DSCAM: variants seen among roughly 807,000 people sequenced by gnomAD.
DSCAM encodes the protein cell adhesion molecule DSCAM.
In DSCAM, 47 loss-of-function variants were observed where a neutral mutation model predicts 217.7. The ratio of observed to expected loss-of-function variants is 0.22; its 90% confidence interval spans 0.17 to 0.28. The LOEUF (loss-of-function observed/expected upper bound fraction) is 0.28. Ranked by LOEUF, DSCAM falls within the 10% of genes least tolerant of loss-of-function variation. The probability of loss-of-function intolerance (pLI) is 1.00; values close to 1 mark genes in which losing one functional copy is unlikely to be tolerated. For synonymous variants in DSCAM, 1,056 were observed against 1,015.3 expected, an observed-to-expected ratio of 1.04 and a Z score of -0.76; for missense variants, 2,080 against 2,618.3, an observed-to-expected ratio of 0.79 and a Z score of 4.49.
chr21:40,081,499 C>G (rs2089457053), intron 24 of DSCAM, among the ~76,000 whole-genome samples: 1 of 152,060 alleles, frequency 6.6e-6, no homozygotes, highest in Admixed American at 6.5e-5. Context: ...GCCATAGGGT[C>G]CCTCCTCCTT....
chr21:40,823,930 A>G (rs1407118952), intron 1 of DSCAM, among the ~76,000 whole-genome samples: 1 of 152,140 alleles, frequency 6.6e-6, no homozygotes, highest in Non-Finnish European at 1.5e-5. Context: ...CATAGTTTGC[A>G]GAAACGCAAA....
At chr21:40,199,356 C>T (rs1412115362) in intron 11 of DSCAM, among the ~76,000 whole-genome samples, 1 of 152,140 alleles carries the variant, frequency 6.6e-6, no homozygotes, top group East Asian at 1.9e-4. Flanking sequence ...GCATAGTATT[C>T]CATCATGTAT....
At chr21:40,110,380 A>G (rs2089354711) in intron 20 of DSCAM, among the ~76,000 whole-genome samples, 1 of 152,220 alleles carries the variant, frequency 6.6e-6, no homozygotes, top group African/African-American at 2.4e-5. Flanking sequence ...GAAAACTAAC[A>G]AACAGAAAGG....
At chr21:40,364,403 T>C (rs1385818106) in intron 4 of DSCAM, among the ~76,000 whole-genome samples, 3 of 151,842 alleles carry the variant, frequency 2.0e-5, no homozygotes, top group Non-Finnish European at 4.4e-5. Context: ...CTGGAAACCA[T>C]CATTCTCAGC....
chr21:40,483,527 C>A (rs2076000087), intron 3 of DSCAM, among the ~76,000 whole-genome samples: 1 of 152,122 alleles, frequency 6.6e-6, no homozygotes, highest in Non-Finnish European at 1.5e-5. Flanking sequence ...TTGTGAGGAT[C>A]AACAAGCCAT....
intron 3 of DSCAM, among the ~76,000 whole-genome samples, chr21:40,557,829 A>C (rs112009994): frequency 1.3e-5 from 2 of 152,292 alleles, no homozygotes; most frequent in African/African-American, 4.8e-5. Flanking sequence ...AGCAACACAA[A>C]ATGAACTAAA....
chr21:40,639,075 A>T (rs1467371), intron 3 of DSCAM, among the ~76,000 whole-genome samples: 23,641 of 145,920 alleles, frequency 0.16, 2,017 homozygotes, highest in Admixed American at 0.25. Context: ...AATATCCTGC[A>T]TTTTTTTTTT....
At chr21:40,611,112 A>G (rs560218671) in intron 3 of DSCAM, among the ~76,000 whole-genome samples, 157 of 137,486 alleles carry the variant, frequency 1.1e-3, no homozygotes, top group African/African-American at 4.2e-3. Flanking sequence ...AGGCTGGAGT[A>G]CAGTGGCGCG....
At chr21:40,180,082 T>C (rs950625002) in intron 14 of DSCAM, among the ~76,000 whole-genome samples, 4 of 152,246 alleles carry the variant, frequency 2.6e-5, no homozygotes, top group Admixed American at 6.5e-5. Context: ...GCAGAGGCCA[T>C]GCTGGCCATA....
intron 3 of DSCAM, among the ~76,000 whole-genome samples, chr21:40,454,347 C>CAA (rs2075746253): frequency 6.6e-6 from 1 of 152,154 alleles, no homozygotes; most frequent in African/African-American, 2.4e-5. Flanking sequence ...ATGAAGATTA[C>CAA]AATGCCCAAA....
chr21:40,841,512 T>C (rs1232957660), intron 1 of DSCAM, among the ~76,000 whole-genome samples: 1 of 152,148 alleles, frequency 6.6e-6, no homozygotes, highest in Non-Finnish European at 1.5e-5. Flanking sequence ...TCTTTGGAAC[T>C]TGAAGAGTTA....
intron 3 of DSCAM, among the ~76,000 whole-genome samples, chr21:40,562,124 G>A (rs2076725061): frequency 6.6e-6 from 1 of 152,104 alleles, no homozygotes. Context: ...TCCTGATATG[G>A]TTAGGCTTTG....
chr21:40,648,838 A>G (rs2089981021), intron 3 of DSCAM, among the ~76,000 whole-genome samples: 5 of 152,120 alleles, frequency 3.3e-5, no homozygotes, highest in Admixed American at 3.3e-4. Context: ...ACTCAATACA[A>G]TTCTTCTCTG....
At chr21:40,244,027 C>T (rs951138222) in intron 11 of DSCAM, among the ~76,000 whole-genome samples, 15 of 152,252 alleles carry the variant, frequency 9.9e-5, no homozygotes, top group African/African-American at 3.1e-4. Flanking sequence ...GTTCCTTCCC[C>T]ATTTAGACAA....
At chr21:40,547,103 C>T (rs2076589492) in intron 3 of DSCAM, among the ~76,000 whole-genome samples, 1 of 152,158 alleles carries the variant, frequency 6.6e-6, no homozygotes, top group East Asian at 1.9e-4. Context: ...CCTCACCGTC[C>T]TCTCTGTCCC....
intron 3 of DSCAM, among the ~76,000 whole-genome samples, chr21:40,421,235 C>A (rs1387370927): frequency 6.6e-6 from 1 of 152,322 alleles, no homozygotes; most frequent in East Asian, 1.9e-4. Flanking sequence ...TTCACTCCAC[C>A]ATTCCTCACC....
intron 22 of DSCAM, among the ~76,000 whole-genome samples, chr21:40,085,972 T>G (rs906043526): frequency 3.9e-5 from 6 of 152,192 alleles, no homozygotes; most frequent in Admixed American, 2.0e-4. Context: ...AAATGTTACG[T>G]TGAAGATGAG....
intron 3 of DSCAM, among the ~76,000 whole-genome samples, chr21:40,535,895 C>T (rs1244376659): frequency 1.3e-5 from 2 of 151,534 alleles, no homozygotes; most frequent in African/African-American, 4.9e-5. Context: ...GCAAGGTCAA[C>T]ATGGATCATG....
intron 8 of DSCAM, among the ~76,000 whole-genome samples, chr21:40,329,731 C>T (rs1026185014): frequency 6.6e-6 from 1 of 151,908 alleles, no homozygotes; most frequent in African/African-American, 2.4e-5. Flanking sequence ...GAGCTGTAGT[C>T]CTTTGTGACA....
Sources: gnomAD v4.1 joint callset for allele counts (sites outside exome capture counted in the v4.1 genomes callset) on GRCh38, gnomAD v4.1.1 for gene constraint, MANE v1.5 for transcripts, NCBI Gene and HGNC (gene_info 2026-07-23, HGNC 2026-07-21) for gene names.